Variants in NF1 observed in about 807,000 individuals in gnomAD.
The protein encoded by NF1 is neurofibromin.
NF1 carries 122 observed loss-of-function variants against 325.7 expected under a neutral mutation model. The ratio of observed to expected loss-of-function variants is 0.37; its 90% CI spans 0.32 to 0.44. The LOEUF (loss-of-function observed/expected upper bound fraction) is 0.44. Among genes scored for constraint, NF1 ranks in the 20% least tolerant of loss-of-function variants. The pLI is 1.00. For synonymous variants in NF1, 1,091 were observed against 1,186.0 expected, an observed-to-expected ratio of 0.92 and a Z score of 1.65; for missense variants, 2,140 against 3,415.4, an observed-to-expected ratio of 0.63 and a Z score of 9.31.
chr17:31,154,422 A>G (rs953825815), intron 1 of NF1, among the ~76,000 whole-genome samples: 8 of 152,168 alleles, frequency 5.3e-5, no homozygotes, highest in African/African-American at 1.9e-4. Flanking sequence ...ACCCTAGTTC[A>G]AGAAACATAC....
intron 35 of NF1, among the ~76,000 whole-genome samples, chr17:31,263,820 T>G (rs935522968): frequency 6.6e-5 from 10 of 152,002 alleles, no homozygotes; most frequent in African/African-American, 2.4e-4. Context: ...ATTTAAAAAA[T>G]TATTAAATTA....
chr17:31,131,424 C>T (rs1396471595), intron 1 of NF1, among the ~76,000 whole-genome samples: 1 of 152,168 alleles, frequency 6.6e-6, no homozygotes, highest in African/African-American at 2.4e-5. Flanking sequence ...AGTCCCGGTG[C>T]GTGGTAGCCC....
intron 36 of NF1, chr17:31,296,165 T>C: frequency 1.2e-6 from 2 of 1,612,500 alleles, no homozygotes; most frequent in Non-Finnish European, 1.7e-6. Context: ...ATGTATAATA[T>C]TCTCTTGCAG....
In NF1 at chr17:31,320,434, A is replaced by T. The variant is rs1297495022; in HGVS notation, c.4836-5386A>T. On this transcript the variant is annotated intron_variant, in intron 36 of 57. Coordinates refer to ENST00000358273, the MANE Select transcript of NF1 (RefSeq NM_001042492.3). ...CCAAACCAACTCCTAAGCAACATGGATGCCACTGCTAGTCAGGCTTTTGAA... is the reference window on the plus strand; with the variant it reads ...CCAAACCAACTCCTAAGCAACATGGTTGCCACTGCTAGTCAGGCTTTTGAA... The T allele has an allele frequency of 2.5e-6, 4 of 1,610,918 alleles. No homozygotes were observed. In the African/African-American group the frequency reaches 4.0e-5, roughly 16 times the overall value.
chr17:31,277,339 C>G (rs2068027967), intron 36 of NF1, among the ~76,000 whole-genome samples: 1 of 152,142 alleles, frequency 6.6e-6, no homozygotes. Flanking sequence ...CTATCAACGC[C>G]TACTAGAAAC....
chr17:31,214,348 A>G (rs2066782906), intron 12 of NF1, 103 bp from the exon 13 acceptor site: 1 of 880,540 alleles, frequency 1.1e-6, no homozygotes, highest in Non-Finnish European at 1.8e-6. Context: ...AGTATAAAAA[A>G]TAGCTTTTTT....
intron 36 of NF1, among the ~76,000 whole-genome samples, chr17:31,324,419 G>A (rs1180508463): frequency 6.6e-6 from 1 of 152,098 alleles, no homozygotes; most frequent in Non-Finnish European, 1.5e-5. Context: ...TTAAATCAGG[G>A]TGATTAGGAT....
chr17:31,124,608 T>TG, intron 1 of NF1, among the ~76,000 whole-genome samples: 1 of 141,884 alleles, frequency 7.0e-6, no homozygotes, highest in South Asian at 2.3e-4. Flanking sequence ...TTTTTTTTTT[T>TG]TTTTTTTTGA....
At chr17:31,286,956 AC>A (rs2068239654) in intron 36 of NF1, among the ~76,000 whole-genome samples, 1 of 152,232 alleles carries the variant, frequency 6.6e-6, no homozygotes, top group Non-Finnish European at 1.5e-5. Context: ...GTATGTTTCA[AC>A]TGTGACTATG....
At chr17:31,371,885 G>A (rs1459213726) in intron 57 of NF1, among the ~76,000 whole-genome samples, 1 of 152,172 alleles carries the variant, frequency 6.6e-6, no homozygotes, top group Non-Finnish European at 1.5e-5. Flanking sequence ...TTGAGCACGT[G>A]TAAACCAGGC....
chr17:31,359,168 A>G (rs980592563), intron 56 of NF1, 153 bp downstream of exon 56: 8 of 681,452 alleles, frequency 1.2e-5, no homozygotes, highest in South Asian at 1.1e-4. Context: ...TCTCATCACA[A>G]GGTTTTTTTC....
At chr17:31,367,304 C>A in intron 57 of NF1, 1 of 1,282,236 alleles carries the variant, frequency 7.8e-7, no homozygotes, top group Non-Finnish European at 1.0e-6. Flanking sequence ...ATCATCTTTG[C>A]ACGAAAATAC....
In NF1 at chr17:31,217,682, C is replaced by T. The variant is rs559809921; in HGVS notation, c.1528-1323C>T. On this transcript the variant is annotated intron_variant, in intron 13 of 57. Transcript: ENST00000358273. ...TTTAGTCTCTAAATAGGTAGGCATT[C>T]GGCAGGGCGTGGTCGCTCACATCTG... is the stretch of plus-strand genomic sequence containing the variant. 5.9e-5 allele frequency among the ~76,000 whole-genome samples: 9 copies of T among 151,664 alleles called. No homozygotes were observed. In the South Asian group the frequency reaches 1.1e-3, roughly 18 times the overall value.
Position 31,258,403 on chromosome 17 carries a change from C to G in NF1, c.4233C>G (p.Leu1411=), listed in dbSNP as rs2151461945. The change falls in exon 32 of 58, where the codon CTC becomes CTG. Residue 1411 remains leucine (L), a synonymous_variant. Coordinates refer to ENST00000358273, the MANE Select transcript of NF1 (RefSeq NM_001042492.3). The stretch of plus-strand genomic sequence containing the variant: ...GTGCAGTAGGAAGTGCCATGTTCCT[C>G]AGATTTATCAATCCTGCCATTGTCT... The part of the protein sequence containing the change: ...SIGAVGSAMF[L]RFINPAIVSP... 1 of 1,613,968 alleles carries G rather than the reference C, an allele frequency of 6.2e-7. No homozygotes were observed. The highest frequency in any genetic ancestry group is 1.1e-5 in the South Asian group (1 of 91,074).
intron 12 of NF1, among the ~76,000 whole-genome samples, chr17:31,208,218 A>G (rs535651430): frequency 6.6e-6 from 1 of 152,340 alleles, no homozygotes; most frequent in African/African-American, 2.4e-5. Context: ...GAAAATATCA[A>G]TATACATTTA....
intron 36 of NF1, among the ~76,000 whole-genome samples, chr17:31,274,336 G>A (rs2067961354): frequency 1.3e-5 from 2 of 152,068 alleles, no homozygotes; most frequent in African/African-American, 4.8e-5. Context: ...TTCTGCTAAT[G>A]TTTTCATCAT....
At chr17:31,169,023 T>G (rs2065890795) in intron 4 of NF1, among the ~76,000 whole-genome samples, 2 of 152,220 alleles carry the variant, frequency 1.3e-5, no homozygotes, top group South Asian at 4.1e-4. Context: ...AATGAGTTGG[T>G]ACCCTAACAG....
intron 1 of NF1, chr17:31,133,541 T>C (rs951340088): frequency 1.3e-5 from 2 of 152,236 alleles, no homozygotes; most frequent in African/African-American, 4.8e-5. Context: ...ATTTGTAATA[T>C]GTTGAGGAAC....
At chr17:31,156,152 G>C (rs1363427025) in intron 2 of NF1, 26 bp downstream of exon 2, 1 of 1,612,366 alleles carries the variant, frequency 6.2e-7, no homozygotes, top group Admixed American at 1.7e-5. Flanking sequence ...ACTGTGTTTT[G>C]GGGAATTTGC....
Sources: gnomAD v4.1 joint callset for allele counts (sites outside exome capture counted in the v4.1 genomes callset) on GRCh38, gnomAD v4.1.1 for gene constraint, MANE v1.5 for transcripts, NCBI Gene and HGNC (gene_info 2026-07-23, HGNC 2026-07-21) for gene names.